The following ZNF697 variants were observed in gnomAD, a reference collection of about 807,000 sequenced individuals.
ZNF697 encodes the protein zinc finger protein 697.
In ZNF697, 23 loss-of-function variants were observed where a neutral mutation model predicts 32.4. That is an observed-to-expected ratio of 0.71 (90% CI 0.51 to 1.01). The LOEUF (loss-of-function observed/expected upper bound fraction) is 1.01. Ranked by LOEUF, ZNF697 falls within the 50% of genes least tolerant of loss-of-function variation. ZNF697 has a pLI of 0.00. For missense variants in ZNF697, 930 were observed against 794.0 expected, an observed-to-expected ratio of 1.17 and a Z score of -2.06; for synonymous variants, 418 against 337.2, an observed-to-expected ratio of 1.24 and a Z score of -2.62.
Position 119,620,262 on chromosome 1 carries a change from T to C in ZNF697, c.*2443A>G, listed in dbSNP as rs1365712934. 6.6e-6 allele frequency: 1 copy of C among 152,608 alleles called. No homozygotes were observed. Among genetic ancestry groups the C allele is most frequent in the African/African-American group, 2.4e-5 (1 of 41,444 alleles). The allele number at this position is 152,608 out of a possible 1,614,324, so 9.5% of individuals were successfully genotyped here. ...CCAAAGATTCCCACTGCCACTAAAC[T>C]ATTTTACATTAGCTTCACTCTCCAC... On this transcript the variant is annotated 3_prime_UTR_variant, in exon 3 of 3. Coordinates refer to ENST00000421812, the MANE Select transcript of ZNF697 (RefSeq NM_001080470.2).
Position 119,622,864 on chromosome 1 carries a change from G to A in ZNF697, c.1479C>T (p.Tyr493=), listed in dbSNP as rs1328474254. 6.2e-7 allele frequency: 1 copy of A among 1,610,442 alleles called. No homozygotes were observed. ...HQRTHTGEKP[Y]TCIECGKSFI... Reference sequence around the variant, plus strand: ...AGCTCTTGCCGCACTCGATGCACGTGTAGGGCTTCTCGCCCGTGTGCGTGC... The same window carrying A: ...AGCTCTTGCCGCACTCGATGCACGTATAGGGCTTCTCGCCCGTGTGCGTGC... Residue 493 remains tyrosine (Y), a synonymous_variant, in exon 3 of 3, where the codon TAC becomes TAT. Transcript: ENST00000421812.
At chr1:119,643,543 A>C (rs1649133885) in intron 1 of ZNF697, among the ~76,000 whole-genome samples, 1 of 152,200 alleles carries the variant, frequency 6.6e-6, no homozygotes, top group Non-Finnish European at 1.5e-5. Context: ...ATCCCTTATC[A>C]ATACATGATG....
At chr1:119,641,931 G>C (rs1649086852) in intron 1 of ZNF697, among the ~76,000 whole-genome samples, 1 of 152,164 alleles carries the variant, frequency 6.6e-6, no homozygotes, top group South Asian at 2.1e-4. Flanking sequence ...TTTCTTCATA[G>C]CAGCATGAGA....
chr1:119,647,069 C>T (rs1649229462), intron 1 of ZNF697, among the ~76,000 whole-genome samples: 1 of 146,234 alleles, frequency 6.8e-6, no homozygotes, highest in African/African-American at 2.5e-5. Context: ...GTGATTCACT[C>T]CTGTGGGGGA....
At chr1:119,633,234 G>T (rs587598639) in intron 1 of ZNF697, among the ~76,000 whole-genome samples, 2 of 152,292 alleles carry the variant, frequency 1.3e-5, no homozygotes, top group South Asian at 2.1e-4. Flanking sequence ...AGTGATCTTT[G>T]CATCTCTTTA....
intron 1 of ZNF697, among the ~76,000 whole-genome samples, chr1:119,638,777 C>T (rs1044602028): frequency 9.8e-5 from 15 of 152,316 alleles, no homozygotes; most frequent in Admixed American, 7.2e-4. Context: ...CCAAGCATTA[C>T]AACTGAGGAG....
At chr1:119,635,760 A>T (rs587770329) in intron 1 of ZNF697, among the ~76,000 whole-genome samples, 1 of 143,352 alleles carries the variant, frequency 7.0e-6, no homozygotes, top group South Asian at 2.3e-4. Context: ...TGAAAATGTG[A>T]TCTCCATGAG....
chr1:119,623,089 G>A lies in ZNF697; in HGVS notation c.1254C>T (p.Phe418=), dbSNP rs764970508. Residue 418 remains phenylalanine, a synonymous_variant, in exon 3 of 3, where the codon TTC becomes TTT. Coordinates refer to ENST00000421812, the MANE Select transcript of ZNF697 (RefSeq NM_001080470.2). ...GCGTGAAGAGGTGCGAGCTGACGCT[G>A]AAGGTCTCGCCGCACTCGGAGCACA... ...PYMCSECGET[F]SVSSHLFTHK... 1.3e-6 allele frequency: 2 copies of A among 1,585,408 alleles called. No individual in the cohort carries two copies. Among genetic ancestry groups the A allele is most frequent in the Non-Finnish European group, 8.6e-7 (1 of 1,166,580 alleles).
rs1004633200 is a variant in ZNF697 at position 119,648,189 on chromosome 1, G to C, written c.-536C>G. 7.2e-6 allele frequency among the ~76,000 whole-genome samples: 1 copy of C among 139,612 alleles called. No individual in the cohort carries two copies. Among genetic ancestry groups the C allele is most frequent in the Non-Finnish European group, 1.5e-5 (1 of 65,814 alleles). The allele number at this position is 139,612 out of a possible 152,430, so 91.6% of individuals were successfully genotyped here. A position where few individuals can be genotyped will look rare whatever the true frequency, so the allele number is the denominator to read the frequency against. On this transcript the variant is annotated 5_prime_UTR_variant, in exon 1 of 3. Transcript: ENST00000421812. ...GGCTGCAGCGGCCGCTGGGTGGCCC[G>C]CTGGCTGGCTGGTTGGCTGGCTGGC...
chr1:119,619,880 A>C lies in ZNF697; in HGVS notation c.*2825T>G, dbSNP rs1279606329. On this transcript the variant is annotated 3_prime_UTR_variant, in exon 3 of 3. Transcript: ENST00000421812. ...AAGACTGCTCTTCATCAAATTCTCC[A>C]GGAAACAAATAATACACTTGCTTCC... 6.6e-6 allele frequency: 1 copy of C among 152,664 alleles called. No individual in the cohort carries two copies. Among genetic ancestry groups the C allele is most frequent in the Non-Finnish European group, 1.5e-5 (1 of 68,026 alleles). The allele number at this position is 152,664 out of a possible 1,614,324, so 9.5% of individuals were successfully genotyped here.
At chr1:119,626,665 G>T (rs1220653387) in intron 1 of ZNF697, among the ~76,000 whole-genome samples, 1 of 152,180 alleles carries the variant, frequency 6.6e-6, no homozygotes, top group Non-Finnish European at 1.5e-5. Flanking sequence ...GGAGCCAGAG[G>T]AAAAGTACAT....
chr1:119,624,151 A>G, intron 2 of ZNF697, 35 bp from the exon 3 acceptor site: 1 of 1,518,138 alleles, frequency 6.6e-7, no homozygotes, highest in Non-Finnish European at 8.8e-7. Context: ...GGGGATTACT[A>G]TACTTGGCAT....
In ZNF697 at chr1:119,623,353, C is replaced by T. The variant is rs759349499; in HGVS notation, c.990G>A (p.Ser330=). The part of the protein sequence containing the change: ...PECGEAFSLS[S]HLLSHRRAHA... ...GCGCGCGCCGGTGGCTCAACAGATG[C>T]GAGCTGAGGCTGAAGGCCTCGCCGC... The change falls in exon 3 of 3, where the codon TCG becomes TCA. Residue 330 remains serine (S), a synonymous_variant. Transcript: ENST00000421812. 3 of 1,425,640 alleles carry T rather than the reference C, an allele frequency of 2.1e-6. No individual in the cohort carries two copies. Among genetic ancestry groups the T allele is most frequent in the Non-Finnish European group, 2.7e-6 (3 of 1,092,954 alleles). 88.3% of individuals were successfully genotyped at this position (1,425,640 alleles called of 1,614,324 possible).
Position 119,624,169 on chromosome 1 carries a change from A to G in ZNF697, c.227-53T>C, listed in dbSNP as rs143938055. 414 of 1,508,092 alleles carry G rather than the reference A, an allele frequency of 2.7e-4. No homozygotes were observed. The African/African-American group carries it at 5.0e-3, about 18-fold the overall frequency. The allele number at this position is 1,508,092 out of a possible 1,614,324, so 93.4% of individuals were successfully genotyped here. A position where few individuals can be genotyped will look rare whatever the true frequency, so the allele number is the denominator to read the frequency against. ...GATTACTATACTTGGCATTCAAAAG[A>G]TAAGCCCAGAGGAAACCTCAGTAAT... On this transcript the variant is annotated intron_variant, in intron 2 of 2. Transcript: ENST00000421812.
In ZNF697 at chr1:119,623,917, G is replaced by C; in HGVS notation, c.426C>G (p.Pro142=). ...TCCCCAGGGAGAGATGTCGCCTCCAGGGAAGTACGGGAGGGGCCGGCTGCT... is the reference window on the plus strand; with the variant it reads ...TCCCCAGGGAGAGATGTCGCCTCCACGGAAGTACGGGAGGGGCCGGCTGCT... ...EEEQPAPPVL[P]WRRHLSLGSR... The change falls in exon 3 of 3, where the codon CCC becomes CCG. Residue 142 remains proline, a synonymous_variant. Transcript: ENST00000421812. 6.4e-7 allele frequency: 1 copy of C among 1,573,544 alleles called. No homozygotes were observed. Among genetic ancestry groups the C allele is most frequent in the East Asian group, 2.3e-5 (1 of 42,690 alleles).
rs374775680 is a variant in ZNF697 at position 119,622,961 on chromosome 1, C to G, written c.1382G>C (p.Gly461Ala). Residue 461 changes from glycine (G) to alanine (A), a missense_variant, in exon 3 of 3, where the codon GGC becomes GCC. Coordinates refer to ENST00000421812, the MANE Select transcript of ZNF697 (RefSeq NM_001080470.2). ...CTGGCCACAGCGGAAGGGCTTCTCG[C>G]CGGTGTGCACGCGCAGGTGGTTCAC... The part of the protein sequence containing the change: ...HLVNHLRVHT[G>A]EKPFRCGQCE... 1 of 1,602,704 alleles carries G rather than the reference C, an allele frequency of 6.2e-7. No homozygotes were observed. Among genetic ancestry groups the G allele is most frequent in the African/African-American group, 1.3e-5 (1 of 74,630 alleles).
Position 119,623,536 on chromosome 1 carries a change from G to C in ZNF697, c.807C>G (p.Gly269=). ...KPFRCGECGK[G]FSRNTYLTNH... is the part of the protein sequence containing the mutation. ...TGGTCAGGTAGGTGTTGCGGCTGAA[G>C]CCCTTGCCGCACTCCCCGCAGCGGA... is the stretch of plus-strand genomic sequence containing the variant. Residue 269 remains glycine, a synonymous_variant, in exon 3 of 3, where the codon GGC becomes GGG. Coordinates refer to ENST00000421812, the MANE Select transcript of ZNF697 (RefSeq NM_001080470.2). The C allele has an allele frequency of 1.9e-6, 3 of 1,550,528 alleles. No homozygotes were observed. The highest frequency in any genetic ancestry group is 2.6e-6 in the Non-Finnish European group (3 of 1,150,278).
rs1648477276 is a variant in ZNF697, at chr1:119,623,901, A to C, written c.442T>G (p.Ser148Ala). The part of the protein sequence containing the change: ...PPVLPWRRHL[S>A]LGSRHRGDKP... Reference sequence around the variant, plus strand: ...TCACCTCGGTGCCGACTCCCCAGGGAGAGATGTCGCCTCCAGGGAAGTACG... The same window carrying C: ...TCACCTCGGTGCCGACTCCCCAGGGCGAGATGTCGCCTCCAGGGAAGTACG... Residue 148 changes from serine to alanine, a missense_variant, in exon 3 of 3, where the codon TCC becomes GCC. Coordinates refer to ENST00000421812, the MANE Select transcript of ZNF697 (RefSeq NM_001080470.2). 1.9e-6 allele frequency: 3 copies of C among 1,554,934 alleles called. No individual in the cohort carries two copies. The highest frequency in any genetic ancestry group is 2.6e-6 in the Non-Finnish European group (3 of 1,149,146).
At chr1:119,626,980 A>T (rs1303770671) in intron 1 of ZNF697, among the ~76,000 whole-genome samples, 1 of 152,264 alleles carries the variant, frequency 6.6e-6, no homozygotes, top group Non-Finnish European at 1.5e-5. Context: ...CATGTGAATC[A>T]TAGGGAGAAA....
Sources: allele counts gnomAD v4.1 joint callset (sites outside exome capture counted in the v4.1 genomes callset), GRCh38; gene constraint gnomAD v4.1.1; transcripts MANE v1.5; gene names NCBI Gene and HGNC (gene_info 2026-07-23, HGNC 2026-07-21).